Variants in WWOX observed in about 807,000 individuals in gnomAD.
The protein encoded by WWOX is WW domain-containing oxidoreductase.
In WWOX, 69 loss-of-function variants were observed where a neutral mutation model predicts 46.2. That is an observed-to-expected ratio of 1.49 (90% CI 1.23 to 1.82). The LOEUF is 1.82. Among genes scored for constraint, WWOX ranks in the 40% most tolerant of loss-of-function variants. The probability of loss-of-function intolerance (pLI) is 0.00; values close to 1 mark genes in which losing one functional copy is unlikely to be tolerated. For missense variants in WWOX, 919 were observed against 542.6 expected, an observed-to-expected ratio of 1.69 and a Z score of -6.89; for synonymous variants, 359 against 202.6, an observed-to-expected ratio of 1.77 and a Z score of -6.56.
chr16:78,436,590 C>A (rs1026722071), intron 8 of WWOX, among the ~76,000 whole-genome samples: 1 of 152,158 alleles, frequency 6.6e-6, no homozygotes, highest in African/African-American at 2.4e-5. Flanking sequence ...TAGGTTGATA[C>A]AGAAGTTATT....
At chr16:78,338,272 A>T (rs4887954) in intron 5 of WWOX, among the ~76,000 whole-genome samples, 1 of 119,348 alleles carries the variant, frequency 8.4e-6, no homozygotes, top group African/African-American at 2.9e-5. Context: ...GATACTGCCT[A>T]GTGAGCAGGT....
In WWOX at chr16:78,138,368, A is replaced by G. The variant is rs2033871978; in HGVS notation, c.409+23214A>G. Reference sequence around the variant, plus strand: ...GATTTGTTTTTTATAATGCTTCAGGAGAACTCAGTTGAGCAGTAAAGATGT... The same window carrying G: ...GATTTGTTTTTTATAATGCTTCAGGGGAACTCAGTTGAGCAGTAAAGATGT... On this transcript the variant is annotated intron_variant, in intron 4 of 8. Coordinates refer to ENST00000566780, the MANE Select transcript of WWOX (RefSeq NM_016373.4). Among the ~76,000 whole-genome samples, 3 of 137,956 alleles carry G rather than the reference A, an allele frequency of 2.2e-5. 1 individual carries two copies. The South Asian group carries it at 6.8e-4, about 31-fold the overall frequency. The allele number at this position is 137,956 out of a possible 152,430, so 90.5% of individuals were successfully genotyped here. A position where few individuals can be genotyped will look rare whatever the true frequency, so the allele number is the denominator to read the frequency against.
intron 8 of WWOX, among the ~76,000 whole-genome samples, chr16:78,486,386 A>G (rs1004953130): frequency 2.0e-5 from 3 of 152,202 alleles, no homozygotes; most frequent in East Asian, 3.8e-4. Flanking sequence ...AGCTTTGAGT[A>G]TGTTTTACCT....
At chr16:78,468,664 G>A (rs762481141) in intron 8 of WWOX, among the ~76,000 whole-genome samples, 2 of 152,100 alleles carry the variant, frequency 1.3e-5, no homozygotes, top group Non-Finnish European at 2.9e-5. Context: ...ACTAGTTCAT[G>A]GACCTAGCCT....
chr16:79,161,409 A>C (rs1167871507), intron 8 of WWOX, among the ~76,000 whole-genome samples: 2 of 152,220 alleles, frequency 1.3e-5, no homozygotes, highest in African/African-American at 4.8e-5. Context: ...TTGACACATA[A>C]AATAAGCACC....
chr16:78,767,749 A>T (rs1343163650), intron 8 of WWOX, among the ~76,000 whole-genome samples: 1 of 152,170 alleles, frequency 6.6e-6, no homozygotes, highest in Non-Finnish European at 1.5e-5. Context: ...AAAAAAATAG[A>T]ATAGCCATCT....
intron 8 of WWOX, among the ~76,000 whole-genome samples, chr16:78,932,946 C>T (rs572258788): frequency 1.3e-5 from 2 of 152,300 alleles, no homozygotes; most frequent in South Asian, 2.1e-4. Context: ...GCTGCCTGCC[C>T]TCTGGTTGAA....
At chr16:79,186,589 A>G (rs1025513102) in intron 8 of WWOX, among the ~76,000 whole-genome samples, 3 of 152,156 alleles carry the variant, frequency 2.0e-5, no homozygotes, top group African/African-American at 2.4e-5. Context: ...TTACATGTCT[A>G]TTTCCAAGTA....
chr16:78,344,646 G>T lies in WWOX; in HGVS notation c.517-42214G>T, dbSNP rs1446191690. ...TACAGAAGGGAACCCCAGTTTCAAT[G>T]AGTACCTATGTGCTGGGCACTTAGC... On this transcript the variant is annotated intron_variant, in intron 5 of 8. Transcript: ENST00000566780. 4.1e-5 allele frequency among the ~76,000 whole-genome samples: 5 copies of T among 121,432 alleles called. 2 individuals are homozygous for T. The highest frequency in any genetic ancestry group is 1.4e-4 in the African/African-American group (5 of 35,778). 79.7% of individuals were successfully genotyped at this position (121,432 alleles called of 152,430 possible).
At chr16:79,079,869 C>T (rs1374009815) in intron 8 of WWOX, among the ~76,000 whole-genome samples, 1 of 152,166 alleles carries the variant, frequency 6.6e-6, no homozygotes, top group Non-Finnish European at 1.5e-5. Flanking sequence ...AGCTTTGCCC[C>T]ATTGCACGAA....
chr16:79,109,137 T>C (rs1041120705), intron 8 of WWOX, among the ~76,000 whole-genome samples: 2 of 152,040 alleles, frequency 1.3e-5, no homozygotes, highest in Admixed American at 6.6e-5. Flanking sequence ...GAGAACAATA[T>C]AGAGGCAGGG....
At chr16:78,517,878 T>G (rs2043271739) in intron 8 of WWOX, among the ~76,000 whole-genome samples, 1 of 135,936 alleles carries the variant, frequency 7.4e-6, no homozygotes, top group African/African-American at 3.0e-5. Context: ...TTTTTTTTTT[T>G]TACTCTGAAT....
At chr16:78,541,737 C>T (rs1360782100) in intron 8 of WWOX, among the ~76,000 whole-genome samples, 1 of 151,868 alleles carries the variant, frequency 6.6e-6, no homozygotes, top group Non-Finnish European at 1.5e-5. Flanking sequence ...GTGGCAGTTA[C>T]AATAATACCC....
chr16:79,192,544 C>T (rs1456634046), intron 8 of WWOX, among the ~76,000 whole-genome samples: 2 of 152,160 alleles, frequency 1.3e-5, no homozygotes, highest in Non-Finnish European at 2.9e-5. Flanking sequence ...CTGGTAAGGT[C>T]TCTATTGGTC....
At chr16:79,146,958 A>T (rs887273449) in intron 8 of WWOX, among the ~76,000 whole-genome samples, 7 of 152,320 alleles carry the variant, frequency 4.6e-5, no homozygotes, top group Non-Finnish European at 7.3e-5. Context: ...AGTTGTAAGA[A>T]ATAATATACA....
In WWOX at chr16:78,133,839, TA is replaced by T. The variant is rs546280084; in HGVS notation, c.409+18686del. Among the ~76,000 whole-genome samples, 4 of 152,334 alleles carry T rather than the reference TA, an allele frequency of 2.6e-5. No individual in the cohort carries two copies. In the South Asian group the frequency reaches 8.3e-4, roughly 32 times the overall value. On this transcript the variant is annotated intron_variant, in intron 4 of 8. Transcript: ENST00000566780. ...AGCTAGCTCACAAAAGCAAGGGAGATACCTGCAAGGCTGAGCTGAGCTTGCA... is the reference window on the plus strand; with the variant it reads ...AGCTAGCTCACAAAAGCAAGGGAGATCCTGCAAGGCTGAGCTGAGCTTGCA...
At chr16:78,665,187 G>A (rs2047302392) in intron 8 of WWOX, among the ~76,000 whole-genome samples, 1 of 152,102 alleles carries the variant, frequency 6.6e-6, no homozygotes, top group African/African-American at 2.4e-5. Context: ...GTGATGACGG[G>A]CAACAGATTT....
At chr16:78,554,584 C>G (rs150905912) in intron 8 of WWOX, among the ~76,000 whole-genome samples, 1 of 152,058 alleles carries the variant, frequency 6.6e-6, no homozygotes, top group Non-Finnish European at 1.5e-5. Flanking sequence ...CATGCATATA[C>G]GTGGGTGTAC....
chr16:78,725,245 AGC>A (rs1204160221), intron 8 of WWOX, among the ~76,000 whole-genome samples: 2 of 151,844 alleles, frequency 1.3e-5, no homozygotes, highest in Non-Finnish European at 2.9e-5. Context: ...AGGTCTCCCC[AGC>A]CACGTGAAAT....
Sources: gnomAD v4.1 joint callset for allele counts (sites outside exome capture counted in the v4.1 genomes callset) on GRCh38, gnomAD v4.1.1 for gene constraint, MANE v1.5 for transcripts, NCBI Gene and HGNC (gene_info 2026-07-23, HGNC 2026-07-21) for gene names.